PNPLA3: variants seen among roughly 807,000 people sequenced by gnomAD.
PNPLA3 encodes the protein patatin like domain 3, 1-acylglycerol-3-phosphate O-acyltransferase.
A neutral mutation model predicts 43.1 loss-of-function variants in PNPLA3; 42 were observed. That is an observed-to-expected ratio of 0.97 (90% confidence interval 0.76 to 1.26). The LOEUF (loss-of-function observed/expected upper bound fraction) is 1.26, where lower values mean the gene tolerates loss of function less well. Ranked by LOEUF, PNPLA3 falls within the 50% of genes most tolerant of loss-of-function variation. The pLI is 0.00. For missense variants in PNPLA3, 647 were observed against 621.4 expected, an observed-to-expected ratio of 1.04 and a Z score of -0.44; for synonymous variants, 272 against 253.6, an observed-to-expected ratio of 1.07 and a Z score of -0.69.
At chr22:43,942,097 C>T (rs998621092) in intron 7 of PNPLA3, among the ~76,000 whole-genome samples, 1 of 152,184 alleles carries the variant, frequency 6.6e-6, no homozygotes, top group Non-Finnish European at 1.5e-5. Context: ...AATGAGCCAG[C>T]CCATCCCCAG....
intron 3 of PNPLA3, among the ~76,000 whole-genome samples, chr22:43,929,553 T>C (rs999725875): frequency 2.1e-4 from 32 of 151,290 alleles, no homozygotes; most frequent in South Asian, 4.2e-4. Context: ...GGAGCTTTAC[T>C]CTTAGGGGGA....
At chr22:43,940,546 C>A (rs1380847895) in intron 7 of PNPLA3, among the ~76,000 whole-genome samples, 1 of 152,234 alleles carries the variant, frequency 6.6e-6, no homozygotes, top group Admixed American at 6.5e-5. Flanking sequence ...CCGTGGCTCA[C>A]GGCTGTAATC....
Position 43,946,920 on chromosome 22 carries a change from G to T in PNPLA3, c.*538G>T. 1 of 322,158 alleles carries T rather than the reference G, an allele frequency of 3.1e-6. No homozygotes were observed. The highest frequency in any genetic ancestry group is 2.5e-5 in the South Asian group (1 of 39,968). The allele number at this position is 322,158 out of a possible 1,614,324, so 20.0% of individuals were successfully genotyped here. A position where few individuals can be genotyped will look rare whatever the true frequency, so the allele number is the denominator to read the frequency against. ...GTCTCCATGGCGGGGGTAACAAGATGATAATCTACTTAATTTTAGAACACC... is the reference window on the plus strand; with the variant it reads ...GTCTCCATGGCGGGGGTAACAAGATTATAATCTACTTAATTTTAGAACACC... On this transcript the variant is annotated 3_prime_UTR_variant, in exon 9 of 9. Transcript: ENST00000216180.
At position 43,946,436 on chromosome 22, in the gene PNPLA3, A is replaced by G; in HGVS notation, c.*54A>G. The G allele has an allele frequency of 6.6e-7, 1 of 1,518,600 alleles. No homozygotes were observed. The highest frequency in any genetic ancestry group is 1.1e-5 in the South Asian group (1 of 88,896). 94.1% of individuals were successfully genotyped at this position (1,518,600 alleles called of 1,614,324 possible). A position where few individuals can be genotyped will look rare whatever the true frequency, so the allele number is the denominator to read the frequency against. On this transcript the variant is annotated 3_prime_UTR_variant, in exon 9 of 9. Transcript: ENST00000216180. ...TCTTTCAGAGGTGCTAAAGTTTCCC[A>G]TCTTTGTGCAGCTACCTCCGCATTG...
intron 1 of PNPLA3, chr22:43,924,380 A>C: frequency 2.3e-6 from 1 of 436,050 alleles, no homozygotes; most frequent in Non-Finnish European, 4.0e-6. Context: ...GCATGAAGGG[A>C]GACCCTCACC....
intron 7 of PNPLA3, among the ~76,000 whole-genome samples, chr22:43,941,774 G>A (rs112324793): frequency 3.9e-4 from 60 of 152,002 alleles, no homozygotes; most frequent in African/African-American, 1.4e-3. Context: ...TTGTCTGACA[G>A]TGGAGGGCAC....
At chr22:43,944,599 T>C in intron 7 of PNPLA3, 92 bp from the exon 8 acceptor site, 1 of 981,294 alleles carries the variant, frequency 1.0e-6, no homozygotes. Context: ...AGATTGGAGG[T>C]GATGTTGGCA....
chr22:43,937,547 A>G (rs935261139), intron 6 of PNPLA3, among the ~76,000 whole-genome samples: 4 of 152,048 alleles, frequency 2.6e-5, no homozygotes, highest in African/African-American at 9.7e-5. Flanking sequence ...GGTTCCCCAT[A>G]TAGGCTCCTG....
chr22:43,927,163 T>C lies in PNPLA3; in HGVS notation c.416T>C (p.Val139Ala), dbSNP rs1251397859. The change falls in exon 2 of 9, where the codon GTG becomes GCG. Residue 139 changes from valine to alanine, a missense_variant. Val to Ala is a moderately conservative substitution (Grantham distance 64). Transcript: ENST00000216180. Reference protein sequence around the residue: ...VSDFRSKDEVVDALVCSCFIP... With the variant: ...VSDFRSKDEVADALVCSCFIP... ...GACTTTCGGTCCAAAGACGAAGTCGTGGATGTAAGCAGTTTGCTTATCTGG... is the reference window on the plus strand; with the variant it reads ...GACTTTCGGTCCAAAGACGAAGTCGCGGATGTAAGCAGTTTGCTTATCTGG... 5 of 1,613,826 alleles carry C rather than the reference T, an allele frequency of 3.1e-6. No individual in the cohort carries two copies. The highest frequency in any genetic ancestry group is 4.2e-6 in the Non-Finnish European group (5 of 1,179,728).
chr22:43,935,089 G>A (rs2049986483), intron 5 of PNPLA3, among the ~76,000 whole-genome samples: 1 of 152,170 alleles, frequency 6.6e-6, no homozygotes, highest in South Asian at 2.1e-4. Flanking sequence ...AGTCAGGTGT[G>A]GGTCCAAGCC....
At chr22:43,927,634 T>C (rs987743968) in intron 2 of PNPLA3, among the ~76,000 whole-genome samples, 3 of 150,564 alleles carry the variant, frequency 2.0e-5, no homozygotes, top group Non-Finnish European at 3.0e-5. Context: ...GGCAGTTTCT[T>C]TTCTTCACTT....
chr22:43,938,923 G>A lies in PNPLA3; in HGVS notation c.980-1070G>A, dbSNP rs113313618. Among the ~76,000 whole-genome samples, 1,364 of 152,128 alleles carry A rather than the reference G, an allele frequency of 9.0e-3. 28 individuals are homozygous for A. Among genetic ancestry groups the A allele is most frequent in the African/African-American group, 0.031 (1,295 of 41,516 alleles). On this transcript the variant is annotated intron_variant, in intron 6 of 8. Coordinates refer to ENST00000216180, the MANE Select transcript of PNPLA3 (RefSeq NM_025225.3). ...GTGACGTTTGATGTAGCTGTTTTTT[G>A]TTTTGTGTTTTGGTTTTTGAGACAG...
At chr22:43,925,253 A>G (rs1039425197) in intron 1 of PNPLA3, among the ~76,000 whole-genome samples, 3 of 151,948 alleles carry the variant, frequency 2.0e-5, no homozygotes, top group Admixed American at 2.0e-4. Context: ...ATCTTGTCCT[A>G]ATGAAATATT....
chr22:43,935,041 C>A (rs576215608), intron 5 of PNPLA3, among the ~76,000 whole-genome samples: 25 of 152,260 alleles, frequency 1.6e-4, no homozygotes, highest in Admixed American at 1.4e-3. Flanking sequence ...AGTTTCTGCG[C>A]CTGGACCCCA....
In PNPLA3 at chr22:43,946,284, C is replaced by T. The variant is rs766547732; in HGVS notation, c.1348C>T (p.Leu450Phe). Residue 450 changes from leucine (L) to phenylalanine (F), a missense_variant, in exon 9 of 9, where the codon CTC becomes TTC. Physicochemically the swap from Leu to Phe is conservative, Grantham distance 22. Coordinates refer to ENST00000216180, the MANE Select transcript of PNPLA3 (RefSeq NM_025225.3). ...AGCAGAGGCCACCCCGCGGTCCATCCTCAGGTCCAGCCTGAACTTCTTCTT... is the reference window on the plus strand; with the variant it reads ...AGCAGAGGCCACCCCGCGGTCCATCTTCAGGTCCAGCCTGAACTTCTTCTT... Reference protein sequence around the residue: ...TKAEATPRSILRSSLNFFLGN... With the variant: ...TKAEATPRSIFRSSLNFFLGN... The T allele has an allele frequency of 6.2e-7, 1 of 1,614,204 alleles. No individual in the cohort carries two copies.
At chr22:43,931,790 ACAGGCGT>A (rs1427306678) in intron 3 of PNPLA3, among the ~76,000 whole-genome samples, 1 of 152,218 alleles carries the variant, frequency 6.6e-6, no homozygotes, top group African/African-American at 2.4e-5. Context: ...TGCTGGGATT[ACAGGCGT>A]GAGCCACCAT....
At chr22:43,926,850 C>A (rs2049926029) in intron 1 of PNPLA3, 85 bp from the exon 2 acceptor site, 2 of 1,142,512 alleles carry the variant, frequency 1.8e-6, no homozygotes, top group African/African-American at 1.5e-5. Context: ...TTGGTGGCAT[C>A]CTTGCTGTCT....
In PNPLA3 at chr22:43,946,949, T is replaced by G; in HGVS notation, c.*567T>G. On this transcript the variant is annotated 3_prime_UTR_variant, in exon 9 of 9. Transcript: ENST00000216180. ...ATCTACTTAATTTTAGAACACCTTTTTCACCTAACTAAAATAATGTTTAAA... is the reference window on the plus strand; with the variant it reads ...ATCTACTTAATTTTAGAACACCTTTGTCACCTAACTAAAATAATGTTTAAA... 1 of 309,956 alleles carries G rather than the reference T, an allele frequency of 3.2e-6. No homozygotes were observed. The highest frequency in any genetic ancestry group is 6.3e-6 in the Non-Finnish European group (1 of 158,630). 19.2% of individuals were successfully genotyped at this position (309,956 alleles called of 1,614,324 possible).
intron 6 of PNPLA3, chr22:43,939,563 C>T (rs2050017764): frequency 3.0e-6 from 1 of 330,146 alleles, no homozygotes; most frequent in Non-Finnish European, 4.3e-6. Context: ...ACCTGTAATC[C>T]TAGCACTTTG....
Sources: allele counts gnomAD v4.1 joint callset (sites outside exome capture counted in the v4.1 genomes callset), GRCh38; gene constraint gnomAD v4.1.1; transcripts MANE v1.5; gene names NCBI Gene and HGNC (gene_info 2026-07-23, HGNC 2026-07-21).